Variants in TNS3 observed in about 807,000 individuals in gnomAD.
TNS3 encodes the protein tensin-3.
Under a neutral mutation model 140.9 loss-of-function variants are expected in TNS3, and 45 were observed. The observed-to-expected ratio is 0.32, with a 90% CI of 0.25 to 0.41. The LOEUF (loss-of-function observed/expected upper bound fraction) is 0.41, where lower values mean the gene tolerates loss of function less well. Ranked by LOEUF, TNS3 falls within the 10% of genes least tolerant of loss-of-function variation. The pLI, the probability that TNS3 is intolerant of heterozygous loss-of-function variation, is 1.00. For synonymous variants in TNS3, 815 were observed against 788.4 expected (o/e 1.03, Z -0.56); for missense variants, 1,716 against 1,906.7 (o/e 0.90, Z 1.86).
chr7:47,416,370 G>A (rs574601292), intron 10 of TNS3, among the ~76,000 whole-genome samples: 1 of 152,280 alleles, frequency 6.6e-6, no homozygotes, highest in Non-Finnish European at 1.5e-5. Flanking sequence ...TATTCAAGCA[G>A]TTAAATTTGT....
At chr7:47,492,952 T>C (rs1797867950) in intron 3 of TNS3, among the ~76,000 whole-genome samples, 2 of 152,352 alleles carry the variant, frequency 1.3e-5, no homozygotes, top group South Asian at 4.1e-4. Flanking sequence ...CCTCGGGCGA[T>C]GACATCAGCT....
chr7:47,461,096 C>A (rs1215920982), intron 4 of TNS3, among the ~76,000 whole-genome samples: 1 of 152,142 alleles, frequency 6.6e-6, no homozygotes, highest in African/African-American at 2.4e-5. Context: ...AGCATATTCC[C>A]GCCTTTGGGA....
At chr7:47,574,773 G>C (rs1401091526) in intron 1 of TNS3, among the ~76,000 whole-genome samples, 2 of 152,086 alleles carry the variant, frequency 1.3e-5, no homozygotes, top group Non-Finnish European at 1.5e-5. Context: ...TACAAATACT[G>C]TATGATTCCA....
At chr7:47,533,442 T>TA (rs869092272) in intron 1 of TNS3, among the ~76,000 whole-genome samples, 2 of 150,430 alleles carry the variant, frequency 1.3e-5, no homozygotes, top group African/African-American at 4.9e-5. Context: ...TTTTTTTTTT[T>TA]AAAAGACAAA....
chr7:47,564,565 C>T (rs1232680829), intron 1 of TNS3, among the ~76,000 whole-genome samples: 4 of 143,368 alleles, frequency 2.8e-5, no homozygotes, highest in Non-Finnish European at 6.0e-5. Flanking sequence ...GAACCCAGGA[C>T]GCAGAAGTTG....
rs143542317 is a variant in TNS3 at position 47,374,807 on chromosome 7, TA to T, written c.1025-5187del. Among the ~76,000 whole-genome samples, 1,170 of 152,344 alleles carry T rather than the reference TA, an allele frequency of 7.7e-3. 19 individuals are homozygous for T. Among genetic ancestry groups the T allele is most frequent in the African/African-American group, 0.027 (1,109 of 41,584 alleles). ...AGACCACAGAAATGACATAGCCAAC[TA>T]AACTCCCATTTGTGGTTCCTGGACA... is the stretch of plus-strand genomic sequence containing the variant. On this transcript the variant is annotated intron_variant, in intron 16 of 30. Transcript: ENST00000311160.
At chr7:47,409,040 A>C (rs1793606781) in intron 13 of TNS3, among the ~76,000 whole-genome samples, 1 of 152,066 alleles carries the variant, frequency 6.6e-6, no homozygotes, top group African/African-American at 2.4e-5. Context: ...AGCACAAAAC[A>C]TTAAAAAAAA....
At chr7:47,494,717 C>G (rs1797935924) in intron 3 of TNS3, among the ~76,000 whole-genome samples, 1 of 152,198 alleles carries the variant, frequency 6.6e-6, no homozygotes, top group African/African-American at 2.4e-5. Flanking sequence ...CCTAGAAACA[C>G]ACAAAAATGA....
At chr7:47,409,338 C>T (rs1000359947) in intron 13 of TNS3, among the ~76,000 whole-genome samples, 1 of 151,984 alleles carries the variant, frequency 6.6e-6, no homozygotes, top group Non-Finnish European at 1.5e-5. Context: ...AGGGCCCCGC[C>T]TGGTCTCAGG....
chr7:47,411,632 G>T, intron 13 of TNS3, 95 bp downstream of exon 13: 3 of 1,321,866 alleles, frequency 2.3e-6, no homozygotes, highest in Non-Finnish European at 3.1e-6. Context: ...TTTTGGGGGT[G>T]AGGGTTACTG....
intron 17 of TNS3, among the ~76,000 whole-genome samples, chr7:47,353,462 TATG>T (rs1286539536): frequency 2.6e-5 from 4 of 152,244 alleles, no homozygotes; most frequent in Non-Finnish European, 1.5e-5. Flanking sequence ...TTTTCTTTAG[TATG>T]ATGTTCTATC....
chr7:47,481,603 GA>G (rs1584749785), intron 3 of TNS3: 1 of 953,298 alleles, frequency 1.0e-6, no homozygotes. Flanking sequence ...ATCTTTTCTA[GA>G]ACTATTTCTA....
intron 3 of TNS3, among the ~76,000 whole-genome samples, chr7:47,499,952 C>T (rs1208160978): frequency 4.6e-5 from 7 of 152,252 alleles, no homozygotes; most frequent in South Asian, 2.1e-4. Context: ...AATATGCATG[C>T]GTGTGTACAT....
Position 47,511,149 on chromosome 7 carries a change from T to C in TNS3, c.-152-4205A>G, listed in dbSNP as rs556434938. On this transcript the variant is annotated intron_variant, in intron 2 of 30. Coordinates refer to ENST00000311160, the MANE Select transcript of TNS3 (RefSeq NM_022748.12). ...AAAACTCTACTGACACAATTTCAGA[T>C]TCCACAGTGAAACTGAACTTTAAGC... Among the ~76,000 whole-genome samples the C allele has an allele frequency of 3.7e-4, 56 of 152,358 alleles. 1 individual carries two copies. Among genetic ancestry groups the C allele is most frequent in the Admixed American group, 7.2e-4 (11 of 15,312 alleles).
intron 16 of TNS3, among the ~76,000 whole-genome samples, chr7:47,369,848 T>TA (rs113983493): frequency 0.013 from 2,052 of 152,376 alleles, 52 homozygotes; most frequent in African/African-American, 0.047. Context: ...GAATCACTTC[T>TA]ACCTTTCCAT....
At chr7:47,491,532 G>A (rs561696756) in intron 3 of TNS3, among the ~76,000 whole-genome samples, 2 of 152,144 alleles carry the variant, frequency 1.3e-5, no homozygotes, top group Admixed American at 1.3e-4. Flanking sequence ...TTGGAGTGAG[G>A]GTGAAAGGGG....
At chr7:47,520,313 C>T (rs1044155289) in intron 2 of TNS3, among the ~76,000 whole-genome samples, 5 of 152,162 alleles carry the variant, frequency 3.3e-5, no homozygotes, top group Non-Finnish European at 7.3e-5. Context: ...GCATTACATC[C>T]ATCTGAATAA....
At chr7:47,426,599 T>C (rs1039670436) in intron 9 of TNS3, among the ~76,000 whole-genome samples, 3 of 152,278 alleles carry the variant, frequency 2.0e-5, no homozygotes, top group Admixed American at 1.3e-4. Context: ...TTCTGGGAAG[T>C]AGAGCTACCA....
At chr7:47,507,578 G>T (rs1320414040) in intron 2 of TNS3, among the ~76,000 whole-genome samples, 1 of 152,150 alleles carries the variant, frequency 6.6e-6, no homozygotes, top group Non-Finnish European at 1.5e-5. Context: ...TGAACGGAGC[G>T]AGTCCTGTGT....
Sources: allele counts gnomAD v4.1 joint callset (sites outside exome capture counted in the v4.1 genomes callset), GRCh38; gene constraint gnomAD v4.1.1; transcripts MANE v1.5; gene names NCBI Gene and HGNC (gene_info 2026-07-23, HGNC 2026-07-21).